Variants in SLC39A10 observed in about 807,000 individuals in gnomAD.
SLC39A10 encodes the protein zinc transporter ZIP10.
SLC39A10 carries 13 observed loss-of-function variants against 65.1 expected under a neutral mutation model. The observed-to-expected ratio is 0.20, with a 90% CI of 0.13 to 0.32. SLC39A10 has a LOEUF of 0.32. Ranked by LOEUF, SLC39A10 falls within the 10% of genes least tolerant of loss-of-function variation. SLC39A10 has a pLI of 1.00. For missense variants in SLC39A10, 831 were observed against 1,018.4 expected, an observed-to-expected ratio of 0.82 and a Z score of 2.50; for synonymous variants, 321 against 342.2, an observed-to-expected ratio of 0.94 and a Z score of 0.68.
chr2:195,734,777 G>C, intron 9 of SLC39A10, 106 bp from the exon 10 acceptor site: 2 of 1,062,154 alleles, frequency 1.9e-6, no homozygotes, highest in African/African-American at 3.3e-5. Context: ...TATTTTGTCT[G>C]TAGTTACACT....
At chr2:195,618,820 C>T (rs567328246) in intron 2 of SLC39A10, among the ~76,000 whole-genome samples, 2 of 151,926 alleles carry the variant, frequency 1.3e-5, no homozygotes, top group African/African-American at 4.8e-5. Context: ...AGGTCAGGTG[C>T]GGTGGCTCAC....
intron 1 of SLC39A10, among the ~76,000 whole-genome samples, chr2:195,660,510 C>G (rs1358055177): frequency 6.6e-6 from 1 of 152,162 alleles, no homozygotes; most frequent in Non-Finnish European, 1.5e-5. Context: ...TCACCTTTTG[C>G]TAAAATAAGG....
chr2:195,737,415 AT>A lies in SLC39A10; in HGVS notation c.*2376del, dbSNP rs1305949711. ...GCATTCAATCAATCAGCTGTGATTG[AT>A]TGATTATGCTTAGAAATACTATAGT... On this transcript the variant is annotated 3_prime_UTR_variant, in exon 10 of 10. Transcript: ENST00000359634. 2 of 157,396 alleles carry A rather than the reference AT, an allele frequency of 1.3e-5. No individual in the cohort carries two copies. The highest frequency in any genetic ancestry group is 1.9e-4 in the East Asian group (1 of 5,330). The allele number at this position is 157,396 out of a possible 1,614,324, so 9.7% of individuals were successfully genotyped here. A position where few individuals can be genotyped will look rare whatever the true frequency, so the allele number is the denominator to read the frequency against.
chr2:195,707,334 T>C (rs1049019289), intron 4 of SLC39A10, among the ~76,000 whole-genome samples: 1 of 152,218 alleles, frequency 6.6e-6, no homozygotes, highest in African/African-American at 2.4e-5. Flanking sequence ...TTGCTCTCTA[T>C]AACCTATCAA....
rs371697305 is a variant in SLC39A10 at position 195,710,879 on chromosome 2, A to G, written c.1575+2035A>G. On this transcript the variant is annotated intron_variant, in intron 5 of 9. Transcript: ENST00000359634. ...CTGATGGACGAGTAGAGAATAAAATATGGTGGGAGGGATGCCAACACAGAA... is the reference window on the plus strand; with the variant it reads ...CTGATGGACGAGTAGAGAATAAAATGTGGTGGGAGGGATGCCAACACAGAA... 2.0e-5 allele frequency among the ~76,000 whole-genome samples: 3 copies of G among 152,162 alleles called. No individual in the cohort carries two copies. In the East Asian group the frequency reaches 5.8e-4, roughly 29 times the overall value.
intron 3 of SLC39A10, among the ~76,000 whole-genome samples, chr2:195,687,279 A>G (rs529336624): frequency 6.6e-6 from 1 of 152,268 alleles, no homozygotes; most frequent in Non-Finnish European, 1.5e-5. Flanking sequence ...AAAAATGGAG[A>G]CTGACAAGAT....
upstream of SLC39A10, among the ~76,000 whole-genome samples, chr2:195,655,577 G>T (rs538968502): frequency 6.6e-5 from 10 of 152,298 alleles, no homozygotes; most frequent in African/African-American, 2.2e-4. Flanking sequence ...TTAGTTCTAG[G>T]ATGAACCTTA....
chr2:195,658,854 A>G (rs979998357), intron 1 of SLC39A10, among the ~76,000 whole-genome samples: 12 of 152,228 alleles, frequency 7.9e-5, no homozygotes, highest in African/African-American at 2.2e-4. Flanking sequence ...TAAAACAATG[A>G]TGTGCTGGTA....
At chr2:195,667,638 ATATAT>A (rs1193823810) in intron 1 of SLC39A10, among the ~76,000 whole-genome samples, 2 of 152,214 alleles carry the variant, frequency 1.3e-5, no homozygotes, top group Non-Finnish European at 2.9e-5. Flanking sequence ...CCTTAGGTTA[ATATAT>A]TTAATTGCTT....
intron 3 of SLC39A10, among the ~76,000 whole-genome samples, chr2:195,695,893 C>T (rs971434340): frequency 5.9e-5 from 9 of 152,084 alleles, no homozygotes; most frequent in African/African-American, 2.2e-4. Context: ...CAGTTTTCTT[C>T]TAAGAGTTTT....
chr2:195,717,511 CT>C (rs1321440746), intron 7 of SLC39A10: 1 of 152,318 alleles, frequency 6.6e-6, no homozygotes, highest in Non-Finnish European at 1.5e-5. Context: ...GATCCAGACT[CT>C]TTTAGCACCC....
chr2:195,677,520 T>C (rs1690138809), intron 1 of SLC39A10, among the ~76,000 whole-genome samples: 1 of 146,976 alleles, frequency 6.8e-6, no homozygotes, highest in Admixed American at 6.8e-5. Flanking sequence ...GGTGTCACAG[T>C]GACATCCTGT....
chr2:195,734,738 G>A (rs959447475), intron 9 of SLC39A10, 145 bp from the exon 10 acceptor site: 3 of 755,186 alleles, frequency 4.0e-6, no homozygotes, highest in Admixed American at 3.5e-5. Context: ...AATACATCTG[G>A]TGGGTAGCAT....
chr2:195,671,362 C>T (rs181888117), intron 1 of SLC39A10, among the ~76,000 whole-genome samples: 55 of 152,266 alleles, frequency 3.6e-4, no homozygotes, highest in South Asian at 1.7e-3. Context: ...TTTGTTGTGG[C>T]ACTGCTAGTT....
chr2:195,708,387 C>G (rs1029189638), intron 4 of SLC39A10, among the ~76,000 whole-genome samples: 1 of 152,182 alleles, frequency 6.6e-6, no homozygotes, highest in Non-Finnish European at 1.5e-5. Context: ...ATTGTTACTT[C>G]TGGCTTGATT....
At chr2:195,633,403 C>T (rs929665399) in intron 2 of SLC39A10, among the ~76,000 whole-genome samples, 2 of 152,204 alleles carry the variant, frequency 1.3e-5, no homozygotes, top group East Asian at 1.9e-4. Context: ...GAGGGAATAC[C>T]GATGACCCCT....
intron 2 of SLC39A10, among the ~76,000 whole-genome samples, chr2:195,649,105 A>C (rs1212729378): frequency 7.9e-5 from 12 of 152,200 alleles, no homozygotes; most frequent in African/African-American, 2.9e-4. Context: ...AAACATTAGG[A>C]AGTTTCCAAA....
chr2:195,706,521 T>G, intron 3 of SLC39A10, 95 bp from the exon 4 acceptor site: 1 of 1,220,948 alleles, frequency 8.2e-7, no homozygotes, highest in Non-Finnish European at 1.1e-6. Flanking sequence ...ATAGTCTACC[T>G]TCTACGATTC....
At chr2:195,717,075 G>A in intron 7 of SLC39A10, 70 bp downstream of exon 7, 2 of 1,534,252 alleles carry the variant, frequency 1.3e-6, no homozygotes, top group Non-Finnish European at 1.7e-6. Flanking sequence ...AATTTGGCTG[G>A]AGCTTAACAA....
Sources: gnomAD v4.1 joint callset for allele counts (sites outside exome capture counted in the v4.1 genomes callset) on GRCh38, gnomAD v4.1.1 for gene constraint, MANE v1.5 for transcripts, NCBI Gene and HGNC (gene_info 2026-07-23, HGNC 2026-07-21) for gene names.